AGMO: variants seen among roughly 807,000 people sequenced by gnomAD.
AGMO encodes glyceryl-ether monooxygenase.
A neutral mutation model predicts 60.2 loss-of-function variants in AGMO; 75 were observed. That is an observed-to-expected ratio of 1.25 (90% confidence interval 1.03 to 1.51). The LOEUF (loss-of-function observed/expected upper bound fraction) is 1.51. AGMO is among the 40% of genes most tolerant of loss of function. The pLI, the probability that AGMO is intolerant of heterozygous loss-of-function variation, is 0.00. For synonymous variants in AGMO, 261 were observed against 177.1 expected (o/e 1.47, Z -3.76); for missense variants, 763 against 525.5 (o/e 1.45, Z -4.42).
intron 12 of AGMO, among the ~76,000 whole-genome samples, chr7:15,275,569 C>G (rs1456820617): frequency 6.6e-6 from 1 of 152,102 alleles, no homozygotes; most frequent in Non-Finnish European, 1.5e-5. Flanking sequence ...TCAATTTGCT[C>G]TACAGTCCCC....
At chr7:15,191,932 C>G in the AGMO span, among the ~76,000 whole-genome samples, 1 of 148,944 alleles carries the variant, frequency 6.7e-6, no homozygotes, top group Admixed American at 6.8e-5. Context: ...AATCATTGAT[C>G]GAATAAAATC....
At chr7:15,392,249 T>A (rs1210063084) in intron 6 of AGMO, among the ~76,000 whole-genome samples, 2 of 151,766 alleles carry the variant, frequency 1.3e-5, no homozygotes, top group Non-Finnish European at 2.9e-5. Context: ...TTTCTGTATT[T>A]TTTTTAGTAG....
intron 5 of AGMO, among the ~76,000 whole-genome samples, chr7:15,403,832 A>C (rs1422228866): frequency 1.3e-5 from 2 of 151,964 alleles, no homozygotes; most frequent in Non-Finnish European, 2.9e-5. Context: ...ACAACCACAC[A>C]AGTATTTAGA....
the AGMO span, among the ~76,000 whole-genome samples, chr7:15,168,103 A>T: frequency 1.1e-4 from 16 of 152,328 alleles, no homozygotes; most frequent in Non-Finnish European, 1.5e-4. Flanking sequence ...TTCTGATTGC[A>T]CAGGGTGTGG....
At chr7:15,295,953 A>C (rs2128523898) in intron 12 of AGMO, among the ~76,000 whole-genome samples, 1 of 152,324 alleles carries the variant, frequency 6.6e-6, no homozygotes, top group Non-Finnish European at 1.5e-5. Context: ...TTATGCCTGC[A>C]AGACCTATAA....
At chr7:15,185,743 GA>G in the AGMO span, among the ~76,000 whole-genome samples, 1 of 152,300 alleles carries the variant, frequency 6.6e-6, no homozygotes, top group Admixed American at 6.5e-5. Flanking sequence ...GGTGAGCAGT[GA>G]AAATCACAAT....
the AGMO span, among the ~76,000 whole-genome samples, chr7:15,126,765 A>T: frequency 6.6e-6 from 1 of 152,076 alleles, no homozygotes; most frequent in Non-Finnish European, 1.5e-5. Context: ...TTGTGGGAAA[A>T]ATCCACATTC....
the AGMO span, among the ~76,000 whole-genome samples, chr7:15,194,327 A>AT: frequency 1.3e-5 from 2 of 152,108 alleles, no homozygotes; most frequent in Non-Finnish European, 2.9e-5. Context: ...CTACTGCTTT[A>AT]TTTTTTGTTT....
At chr7:15,277,627 T>C (rs944864788) in intron 12 of AGMO, among the ~76,000 whole-genome samples, 1 of 152,196 alleles carries the variant, frequency 6.6e-6, no homozygotes, top group Non-Finnish European at 1.5e-5. Flanking sequence ...TTTAGCCCTG[T>C]GCACTTCTGT....
At chr7:15,135,157 T>TTA in the AGMO span, among the ~76,000 whole-genome samples, 1 of 82,952 alleles carries the variant, frequency 1.2e-5, no homozygotes, top group Non-Finnish European at 2.5e-5. Flanking sequence ...TTTATTTATA[T>TTA]GAGTTTGTGT....
intron 12 of AGMO, among the ~76,000 whole-genome samples, chr7:15,355,115 G>T (rs909722005): frequency 6.6e-6 from 1 of 151,882 alleles, no homozygotes; most frequent in Non-Finnish European, 1.5e-5. Context: ...GGTGAATTTG[G>T]GATTAATTTT....
intron 10 of AGMO, among the ~76,000 whole-genome samples, chr7:15,373,263 G>A (rs1235834620): frequency 1.3e-5 from 2 of 151,394 alleles, no homozygotes; most frequent in Non-Finnish European, 2.9e-5. Flanking sequence ...GGACAACAGA[G>A]TGATATTCTG....
intron 12 of AGMO, among the ~76,000 whole-genome samples, chr7:15,252,855 T>C (rs993525755): frequency 2.6e-5 from 4 of 152,036 alleles, no homozygotes; most frequent in Non-Finnish European, 4.4e-5. Context: ...GCGGGGGCAG[T>C]AAGTTGAAAG....
chr7:15,288,859 A>G (rs962406508), intron 12 of AGMO, among the ~76,000 whole-genome samples: 1 of 147,254 alleles, frequency 6.8e-6, no homozygotes, highest in Non-Finnish European at 1.5e-5. Context: ...AATAAAAAAA[A>G]AAAAAATATA....
chr7:15,540,622 A>G (rs1248981502), intron 3 of AGMO, among the ~76,000 whole-genome samples: 1 of 152,214 alleles, frequency 6.6e-6, no homozygotes, highest in East Asian at 1.9e-4. Flanking sequence ...TTTGGATAAG[A>G]GAGGCAATAA....
At chr7:15,328,254 C>T (rs960917792) in intron 12 of AGMO, among the ~76,000 whole-genome samples, 1 of 152,068 alleles carries the variant, frequency 6.6e-6, no homozygotes, top group Non-Finnish European at 1.5e-5. Flanking sequence ...TGTGCCACCA[C>T]ACCCGGCTAG....
chr7:15,354,298 A>ACGTG (rs1353052366), intron 12 of AGMO, among the ~76,000 whole-genome samples: 7 of 110,646 alleles, frequency 6.3e-5, no homozygotes, highest in Non-Finnish European at 1.0e-4. Context: ...AGATAAATAT[A>ACGTG]TATACGTGTA....
rs187217349 is a variant in AGMO, at chr7:15,445,402, T to C, written c.410-14294A>G. 2.0e-5 allele frequency among the ~76,000 whole-genome samples: 3 copies of C among 152,302 alleles called. No homozygotes were observed. The East Asian group carries it at 5.8e-4, about 29-fold the overall frequency. On this transcript the variant is annotated intron_variant, in intron 3 of 12. Coordinates refer to ENST00000342526, the MANE Select transcript of AGMO (RefSeq NM_001004320.2). ...TTCTATTTCAACAAAGTATATTCAA[T>C]ATTATCACATGATATATTGCTGTTC... is the stretch of plus-strand genomic sequence containing the variant.
At chr7:15,265,103 TAAAA>T (rs1783393898) in intron 12 of AGMO, among the ~76,000 whole-genome samples, 1 of 152,164 alleles carries the variant, frequency 6.6e-6, no homozygotes, top group South Asian at 2.1e-4. Context: ...ATGCAACTAT[TAAAA>T]AAGAATGAAA....
Sources: gnomAD v4.1 joint callset for allele counts (sites outside exome capture counted in the v4.1 genomes callset) on GRCh38, gnomAD v4.1.1 for gene constraint, MANE v1.5 for transcripts, NCBI Gene and HGNC (gene_info 2026-07-23, HGNC 2026-07-21) for gene names.